The following BAZ2B variants were observed in gnomAD, a reference collection of about 807,000 sequenced individuals.
BAZ2B encodes the protein bromodomain adjacent to zinc finger domain protein 2B.
BAZ2B carries 91 observed loss-of-function variants against 246.0 expected under a neutral mutation model. That is an observed-to-expected ratio of 0.37 (90% CI 0.31 to 0.44). The LOEUF (loss-of-function observed/expected upper bound fraction) is 0.44. Ranked by LOEUF, BAZ2B falls within the 20% of genes least tolerant of loss-of-function variation. The pLI is 1.00. For synonymous variants in BAZ2B, 855 were observed against 860.0 expected (o/e 0.99, Z 0.10); for missense variants, 2,332 against 2,533.7 (o/e 0.92, Z 1.71).
intron 1 of BAZ2B, chr2:159,615,212 C>A (rs72954380): frequency 0.064 from 9,718 of 151,652 alleles, 423 homozygotes; most frequent in East Asian, 0.2. Context: ...ACACTTCCTT[C>A]CCCTTCTCAA....
In BAZ2B at chr2:159,546,676, A is replaced by C. The variant is rs73008660; in HGVS notation, c.-3+9147T>G. ...AATCATAGCCCTGAAAATACATGGT[A>C]GTAACTGGTTGTAAGGTAGGCATGG... On this transcript the variant is annotated intron_variant, in intron 2 of 36. Transcript: ENST00000392783. Among the ~76,000 whole-genome samples the C allele has an allele frequency of 2.9e-3, 440 of 151,904 alleles. 1 individual carries two copies. The highest frequency in any genetic ancestry group is 9.9e-3 in the African/African-American group (410 of 41,404).
intron 2 of BAZ2B, among the ~76,000 whole-genome samples, chr2:159,489,777 C>T (rs938602383): frequency 1.1e-4 from 16 of 152,062 alleles, no homozygotes; most frequent in Non-Finnish European, 1.5e-4. Context: ...GTATGGACTA[C>T]AGGCACCTAT....
In BAZ2B at chr2:159,385,208, A is replaced by G; in HGVS notation, c.3633T>C (p.Ala1211=). The change falls in exon 23 of 37, where the codon GCT becomes GCC. Residue 1211 remains alanine (A), a synonymous_variant. Coordinates refer to ENST00000392783, the MANE Select transcript of BAZ2B (RefSeq NM_013450.4). ...CATTGATCAGGAAAGCCAGGACTGA[A>G]GCTTTCTGTGCTGGAGTGTGAGCCT... ...AFQAHTPAQK[A]SVLAFLINEL... is the part of the protein sequence containing the mutation. 1.2e-6 allele frequency: 2 copies of G among 1,613,646 alleles called. No individual in the cohort carries two copies. The highest frequency in any genetic ancestry group is 1.7e-6 in the Non-Finnish European group (2 of 1,179,684).
the BAZ2B span, among the ~76,000 whole-genome samples, chr2:159,660,214 C>T: frequency 1.3e-5 from 2 of 152,274 alleles, no homozygotes; most frequent in East Asian, 1.9e-4. Context: ...TGAAATTATA[C>T]ATCTGTCCTT....
intron 8 of BAZ2B, chr2:159,435,194 A>G (rs1336342528): frequency 1.3e-5 from 2 of 151,528 alleles, no homozygotes; most frequent in Admixed American, 1.3e-4. Flanking sequence ...ACTTATAAAT[A>G]TTTTATTATT....
the BAZ2B span, among the ~76,000 whole-genome samples, chr2:159,655,631 A>C: frequency 6.6e-6 from 1 of 152,140 alleles, no homozygotes; most frequent in African/African-American, 2.4e-5. Context: ...GATGCCCATT[A>C]CATGTATACT....
At chr2:159,602,760 G>C (rs761142993) in intron 1 of BAZ2B, among the ~76,000 whole-genome samples, 1 of 152,152 alleles carries the variant, frequency 6.6e-6, no homozygotes, top group Non-Finnish European at 1.5e-5. Context: ...AGCAATTCAA[G>C]CTCTAAAAAT....
chr2:159,552,740 T>A (rs2088464904), intron 2 of BAZ2B, among the ~76,000 whole-genome samples: 1 of 152,208 alleles, frequency 6.6e-6, no homozygotes, highest in South Asian at 2.1e-4. Context: ...TTCTGGTTTA[T>A]TATGATTGCC....
chr2:159,606,818 T>G (rs1693602667), intron 1 of BAZ2B, among the ~76,000 whole-genome samples: 1 of 152,136 alleles, frequency 6.6e-6, no homozygotes, highest in South Asian at 2.1e-4. Flanking sequence ...TACTAAAATT[T>G]ATTGTCCTTG....
At chr2:159,594,187 T>C (rs1427372569) in intron 1 of BAZ2B, among the ~76,000 whole-genome samples, 1 of 152,134 alleles carries the variant, frequency 6.6e-6, no homozygotes, top group Non-Finnish European at 1.5e-5. Flanking sequence ...GCGGCCTACC[T>C]TGTGGTCAGG....
chr2:159,671,974 T>C, the BAZ2B span, among the ~76,000 whole-genome samples: 1 of 152,214 alleles, frequency 6.6e-6, no homozygotes, highest in Non-Finnish European at 1.5e-5. Context: ...CACCTCATTT[T>C]CATCCCAGAA....
chr2:159,588,474 T>C (rs1194502618), intron 1 of BAZ2B, among the ~76,000 whole-genome samples: 1 of 151,930 alleles, frequency 6.6e-6, no homozygotes, highest in Non-Finnish European at 1.5e-5. Context: ...CAGTGGGCTA[T>C]GATTGGTCAC....
intron 3 of BAZ2B, among the ~76,000 whole-genome samples, chr2:159,457,915 G>A (rs1031330929): frequency 3.3e-5 from 5 of 152,058 alleles, no homozygotes; most frequent in African/African-American, 9.7e-5. Flanking sequence ...CACTTGGTCT[G>A]TAAAAGGAAA....
At chr2:159,648,507 A>G in the BAZ2B span, among the ~76,000 whole-genome samples, 2 of 152,218 alleles carry the variant, frequency 1.3e-5, no homozygotes, top group East Asian at 3.9e-4. Context: ...CCAGGCAATG[A>G]CTGATTTGCT....
intron 27 of BAZ2B, among the ~76,000 whole-genome samples, chr2:159,366,298 C>A (rs2060210550): frequency 6.6e-6 from 1 of 152,116 alleles, no homozygotes; most frequent in South Asian, 2.1e-4. Flanking sequence ...GTGTGTTAAC[C>A]CCAGAAAAAC....
chr2:159,558,406 G>C (rs887575409), intron 1 of BAZ2B, among the ~76,000 whole-genome samples: 13 of 152,142 alleles, frequency 8.5e-5, no homozygotes, highest in South Asian at 4.1e-4. Context: ...ACAGGCATGC[G>C]CCACCATGCC....
Position 159,386,395 on chromosome 2 carries a change from G to A in BAZ2B, c.3429C>T (p.Leu1143=), listed in dbSNP as rs753838602. ...GACCTGGATCACATACAGCAGCTGAGAGGAGCCTCACAAGCAAGTCTTGTA... is the reference window on the plus strand; with the variant it reads ...GACCTGGATCACATACAGCAGCTGAAAGGAGCCTCACAAGCAAGTCTTGTA... ...GEVQDLLVRL[L]SAAVCDPGLI... The change falls in exon 22 of 37, where the codon CTC becomes CTT. Residue 1143 remains leucine (L), a synonymous_variant. Coordinates refer to ENST00000392783, the MANE Select transcript of BAZ2B (RefSeq NM_013450.4). 7 of 1,613,178 alleles carry A rather than the reference G, an allele frequency of 4.3e-6. No individual in the cohort carries two copies. The highest frequency in any genetic ancestry group is 2.2e-5 in the East Asian group (1 of 44,840).
At chr2:159,526,549 C>T (rs946345713) in intron 2 of BAZ2B, among the ~76,000 whole-genome samples, 1 of 152,100 alleles carries the variant, frequency 6.6e-6, no homozygotes. Flanking sequence ...CTTATATTAA[C>T]ATAGATATAT....
chr2:159,378,779 CAAAA>C (rs2061676152), intron 25 of BAZ2B, among the ~76,000 whole-genome samples: 1 of 151,902 alleles, frequency 6.6e-6, no homozygotes, highest in South Asian at 2.1e-4. Context: ...TAATTACTCT[CAAAA>C]AGAAAGAGAA....
Sources: allele counts gnomAD v4.1 joint callset (sites outside exome capture counted in the v4.1 genomes callset), GRCh38; gene constraint gnomAD v4.1.1; transcripts MANE v1.5; gene names NCBI Gene and HGNC (gene_info 2026-07-23, HGNC 2026-07-21).